The following SPECC1 variants were observed in gnomAD, a reference collection of about 807,000 sequenced individuals.
SPECC1 encodes the protein sperm antigen with calponin homology and coiled-coil domains 1, also known as cytospin-B.
Under a neutral mutation model 104.1 loss-of-function variants are expected in SPECC1, and 62 were observed. That is an observed-to-expected ratio of 0.60 (90% confidence interval 0.49 to 0.74). SPECC1 has a LOEUF of 0.74. Among genes scored for constraint, SPECC1 ranks in the 30% least tolerant of loss-of-function variants. The pLI is 0.00. For missense variants in SPECC1, 1,306 were observed against 1,310.5 expected (o/e 1.00, Z 0.05); for synonymous variants, 513 against 501.6 (o/e 1.02, Z -0.30).
chr17:20,079,217 C>T (rs929946490), intron 1 of SPECC1, among the ~76,000 whole-genome samples: 5 of 152,204 alleles, frequency 3.3e-5, no homozygotes, highest in African/African-American at 7.2e-5. Flanking sequence ...TCCCCACACA[C>T]GGCTCGTAGA....
chr17:20,298,123 G>A (rs1346174280), intron 13 of SPECC1, among the ~76,000 whole-genome samples: 4 of 152,062 alleles, frequency 2.6e-5, no homozygotes, highest in African/African-American at 4.8e-5. Flanking sequence ...AGGCCGAAGC[G>A]GGTGGATCAC....
intron 1 of SPECC1, among the ~76,000 whole-genome samples, chr17:20,069,908 TG>T (rs1179581027): frequency 6.6e-6 from 1 of 152,172 alleles, no homozygotes; most frequent in Non-Finnish European, 1.5e-5. Flanking sequence ...TGAGTATATT[TG>T]GATTATTCAC....
intron 4 of SPECC1, among the ~76,000 whole-genome samples, chr17:20,216,371 T>C (rs1208942305): frequency 6.6e-6 from 1 of 152,166 alleles, no homozygotes; most frequent in African/African-American, 2.4e-5. Flanking sequence ...AATTCTTTGA[T>C]CCAAGCTTGT....
At chr17:20,147,215 AT>A (rs2031558493) in intron 3 of SPECC1, among the ~76,000 whole-genome samples, 1 of 151,474 alleles carries the variant, frequency 6.6e-6, no homozygotes, top group African/African-American at 2.4e-5. Flanking sequence ...GGGATTACAG[AT>A]ATGCACCACC....
intron 3 of SPECC1, 125 bp downstream of exon 3, chr17:20,110,687 C>T (rs1301025751): frequency 2.6e-5 from 31 of 1,205,910 alleles, no homozygotes; most frequent in South Asian, 9.1e-5. Context: ...TACCCTGGGC[C>T]GGAACTGTTT....
At chr17:20,270,097 G>C in intron 12 of SPECC1, among the ~76,000 whole-genome samples, 1 of 152,112 alleles carries the variant, frequency 6.6e-6, no homozygotes, top group East Asian at 1.9e-4. Context: ...GGTTGCCAGA[G>C]GCTGAGGAGA....
chr17:20,086,374 G>A (rs1195055576), intron 1 of SPECC1, among the ~76,000 whole-genome samples: 1 of 152,168 alleles, frequency 6.6e-6, no homozygotes, highest in East Asian at 1.9e-4. Flanking sequence ...CAGACAGACT[G>A]CCAGGGACCC....
intron 7 of SPECC1, chr17:20,236,829 C>T: frequency 1.2e-6 from 2 of 1,613,780 alleles, no homozygotes; most frequent in African/African-American, 1.3e-5. Flanking sequence ...AACTCCTTTA[C>T]AGCCTCTCCC....
intron 9 of SPECC1, among the ~76,000 whole-genome samples, chr17:20,248,040 T>A (rs1308676283): frequency 6.6e-6 from 1 of 152,146 alleles, no homozygotes; most frequent in Admixed American, 6.6e-5. Context: ...GCTACCAAGA[T>A]CTAGGATCAG....
intron 1 of SPECC1, among the ~76,000 whole-genome samples, chr17:20,020,729 T>C (rs1032390956): frequency 2.0e-4 from 31 of 152,234 alleles, no homozygotes; most frequent in African/African-American, 7.2e-4. Flanking sequence ...CAAGCCCCTC[T>C]GTTGTTTTGC....
intron 2 of SPECC1, among the ~76,000 whole-genome samples, chr17:20,102,833 G>GT (rs1444357000): frequency 2.0e-5 from 3 of 152,142 alleles, no homozygotes; most frequent in Non-Finnish European, 4.4e-5. Flanking sequence ...GATAACAATA[G>GT]TAAAAACAAT....
chr17:20,079,465 A>T (rs1362321637), intron 1 of SPECC1, among the ~76,000 whole-genome samples: 8 of 151,952 alleles, frequency 5.3e-5, no homozygotes, highest in African/African-American at 1.9e-4. Flanking sequence ...GTGCCTGGCT[A>T]ATTTATTTAT....
At chr17:20,274,838 G>T (rs1030280122) in intron 12 of SPECC1, among the ~76,000 whole-genome samples, 4 of 151,636 alleles carry the variant, frequency 2.6e-5, no homozygotes, top group Non-Finnish European at 5.9e-5. Flanking sequence ...ATTCATGAAA[G>T]TCCAGGTCAC....
intron 5 of SPECC1, among the ~76,000 whole-genome samples, chr17:20,229,241 G>A (rs1177596580): frequency 2.0e-5 from 3 of 152,128 alleles, no homozygotes; most frequent in Admixed American, 6.5e-5. Flanking sequence ...CCTGAGTGCA[G>A]TGCTGTCCAC....
chr17:20,297,018 C>G lies in SPECC1; in HGVS notation c.2998C>G (p.Leu1000Val), dbSNP rs1201431309. ...SWSDGLAFCALLHTYLPAHIP... is the reference protein window; with the variant it reads ...SWSDGLAFCAVLHTYLPAHIP... ...GAGCGATGGCCTGGCCTTCTGTGCT[C>G]TGCTCCACACCTACCTGCCTGCCCA... Residue 1000 changes from leucine to valine, a missense_variant, in exon 13 of 15, where the codon CTG becomes GTG. By Grantham distance (32) the Leu-to-Val change is conservative. This residue lies in a region of SPECC1 where 129 missense variants were observed against 170.6 expected (regional missense o/e 0.76). Transcript: ENST00000395527. 1.9e-6 allele frequency: 3 copies of G among 1,614,106 alleles called. No individual in the cohort carries two copies. The Admixed American group carries it at 5.0e-5, about 27-fold the overall frequency.
chr17:20,217,714 CA>C (rs2037592078), intron 4 of SPECC1, among the ~76,000 whole-genome samples: 1 of 152,226 alleles, frequency 6.6e-6, no homozygotes, highest in Admixed American at 6.5e-5. Flanking sequence ...TTTCAGACAT[CA>C]GCCTTCCAGG....
chr17:20,196,566 T>C (rs184642298), intron 3 of SPECC1, among the ~76,000 whole-genome samples: 1 of 152,356 alleles, frequency 6.6e-6, no homozygotes, highest in Admixed American at 6.5e-5. Context: ...TTTCACGACT[T>C]ACACAGACCA....
intron 1 of SPECC1, among the ~76,000 whole-genome samples, chr17:20,087,531 A>G (rs1003183627): frequency 1.3e-5 from 2 of 152,122 alleles, no homozygotes; most frequent in Non-Finnish European, 2.9e-5. Flanking sequence ...TTCAGCACCT[A>G]TTTAGTGAGT....
intron 12 of SPECC1, among the ~76,000 whole-genome samples, chr17:20,287,206 A>C (rs2040980148): frequency 6.6e-6 from 1 of 152,174 alleles, no homozygotes; most frequent in African/African-American, 2.4e-5. Context: ...TCATGAGGTC[A>C]GGATATCGAG....
Sources: gnomAD v4.1 joint callset for allele counts (sites outside exome capture counted in the v4.1 genomes callset) on GRCh38, gnomAD v4.1.1 for gene constraint, gnomAD v4.1.1 regional missense constraint, MANE v1.5 for transcripts, NCBI Gene and HGNC (gene_info 2026-07-23, HGNC 2026-07-21) for gene names.